Variants in IL6R observed in about 807,000 individuals in gnomAD.
IL6R encodes interleukin-6 receptor subunit alpha.
Under a neutral mutation model 48.3 loss-of-function variants are expected in IL6R, and 38 were observed. The ratio of observed to expected loss-of-function variants is 0.79; its 90% CI spans 0.61 to 1.03. IL6R has a LOEUF of 1.03. Among genes scored for constraint, IL6R ranks in the 50% least tolerant of loss-of-function variants. IL6R has a pLI of 0.00. For synonymous variants in IL6R, 264 were observed against 256.2 expected (o/e 1.03, Z -0.29); for missense variants, 534 against 618.3 (o/e 0.86, Z 1.45).
chr1:154,433,489 C>T (rs775878509), intron 3 of IL6R, among the ~76,000 whole-genome samples: 3 of 152,144 alleles, frequency 2.0e-5, no homozygotes, highest in Non-Finnish European at 4.4e-5. Context: ...GAGGACAGAT[C>T]TTTTTTGTTA....
chr1:154,424,693 A>C (rs1180715467), intron 1 of IL6R, among the ~76,000 whole-genome samples: 1 of 152,222 alleles, frequency 6.6e-6, no homozygotes, highest in Non-Finnish European at 1.5e-5. Context: ...GCATTCAGGC[A>C]CTGATGGACT....
chr1:154,447,476 T>TATATACAC lies in IL6R; in HGVS notation c.950-648_950-647insTATACACA, dbSNP rs1424013885. Among the ~76,000 whole-genome samples, 233 of 68,612 alleles carry TATATACAC rather than the reference T, an allele frequency of 3.4e-3. 2 individuals are homozygous for TATATACAC. Among genetic ancestry groups the TATATACAC allele is most frequent in the Non-Finnish European group, 4.8e-3 (171 of 35,812 alleles). The allele number at this position is 68,612 out of a possible 152,430, so 45.0% of individuals were successfully genotyped here. Reference sequence around the variant, plus strand: ...AAAAATATATATATATATATATATATACACACACACACACACACACACACA... The same window carrying TATATACAC: ...AAAAATATATATATATATATATATATATATACACACACACACACACACACACACACACA... On this transcript the variant is annotated intron_variant, in intron 6 of 9. Transcript: ENST00000368485.
At chr1:154,442,389 G>C (rs1202576439) in intron 6 of IL6R, among the ~76,000 whole-genome samples, 1 of 152,172 alleles carries the variant, frequency 6.6e-6, no homozygotes, top group Non-Finnish European at 1.5e-5. Context: ...ACAAAGGCAC[G>C]GAGCTGTGAG....
chr1:154,434,062 A>G lies in IL6R; in HGVS notation c.459-457A>G, dbSNP rs146244677. Among the ~76,000 whole-genome samples the G allele has an allele frequency of 3.0e-3, 454 of 151,398 alleles. 2 individuals are homozygous for G. Among genetic ancestry groups the G allele is most frequent in the African/African-American group, 0.011 (435 of 41,338 alleles). On this transcript the variant is annotated intron_variant, in intron 3 of 9. Transcript: ENST00000368485. ...GTCTTAACAGAACCAGCCACGTGTG[A>G]TTGTTCATGCCTGTAATCCCAGCAC... is the stretch of plus-strand genomic sequence containing the variant.
intron 9 of IL6R, among the ~76,000 whole-genome samples, chr1:154,462,802 A>G (rs1270342398): frequency 6.6e-6 from 1 of 151,912 alleles, no homozygotes; most frequent in East Asian, 1.9e-4. Flanking sequence ...CTTTTATTTA[A>G]TTAATTAATT....
intron 9 of IL6R, among the ~76,000 whole-genome samples, chr1:154,457,943 T>TTTTTTC (rs1000442014): frequency 7.2e-5 from 10 of 138,262 alleles, no homozygotes; most frequent in East Asian, 2.2e-4. Context: ...TGTTTTCACT[T>TTTTTTC]TTTTTCTTTT....
chr1:154,462,832 A>G (rs553398678), intron 9 of IL6R, among the ~76,000 whole-genome samples: 124 of 152,050 alleles, frequency 8.2e-4, no homozygotes, highest in Non-Finnish European at 1.3e-3. Flanking sequence ...ATTTATTGAG[A>G]CACATCACTC....
chr1:154,413,007 C>A lies in IL6R; in HGVS notation c.85+7293C>A, dbSNP rs1558298003. On this transcript the variant is annotated intron_variant, in intron 1 of 9. Coordinates refer to ENST00000368485, the MANE Select transcript of IL6R (RefSeq NM_000565.4). ...CTGAGTTTATTTATCTGGTTCCCCC[C>A]CTTTTTTTTTTTGAGACAGAGTCTT... 5.3e-5 allele frequency among the ~76,000 whole-genome samples: 8 copies of A among 151,656 alleles called. 1 individual carries two copies. In the South Asian group the frequency reaches 1.5e-3, roughly 28 times the overall value.
chr1:154,436,507 A>G (rs1689638152), intron 6 of IL6R, among the ~76,000 whole-genome samples: 1 of 152,228 alleles, frequency 6.6e-6, no homozygotes, highest in Non-Finnish European at 1.5e-5. Flanking sequence ...CTTAAAAACG[A>G]CCATCATTTA....
At chr1:154,415,781 C>T (rs1253004375) in intron 1 of IL6R, among the ~76,000 whole-genome samples, 1 of 152,050 alleles carries the variant, frequency 6.6e-6, no homozygotes, top group East Asian at 1.9e-4. Context: ...GAGTTTGAAA[C>T]CAGCATGACC....
chr1:154,447,510 TATAC>T (rs1690321004), intron 6 of IL6R, among the ~76,000 whole-genome samples: 2 of 122,750 alleles, frequency 1.6e-5, no homozygotes, highest in African/African-American at 7.4e-5. Flanking sequence ...CACATATATA[TATAC>T]ACACATACAT....
chr1:154,414,346 AC>A, intron 1 of IL6R: 1 of 1,261,612 alleles, frequency 7.9e-7, no homozygotes, highest in Non-Finnish European at 1.1e-6. Context: ...GCCCTGCCCC[AC>A]CCTGTGCCTG....
At chr1:154,407,862 G>A (rs556695973) in intron 1 of IL6R, among the ~76,000 whole-genome samples, 27 of 152,288 alleles carry the variant, frequency 1.8e-4, no homozygotes, top group African/African-American at 6.5e-4. Context: ...CTGGAAGGCT[G>A]GACTTGGGTG....
chr1:154,414,827 G>GGAGATT, intron 1 of IL6R: 1 of 751,894 alleles, frequency 1.3e-6, no homozygotes, highest in Non-Finnish European at 2.4e-6. Context: ...AGCAGGAAGA[G>GGAGATT]GAGATTGAGG....
rs1691653435 is a variant in IL6R at position 154,468,539 on chromosome 1, A to G, written c.*3159A>G. ...ATGTTGACGAGGCCTTTGGTAACTC[A>G]GAGAGCTCTTGGCCCTGATGGGGAC... On this transcript the variant is annotated 3_prime_UTR_variant, in exon 10 of 10. Coordinates refer to ENST00000368485, the MANE Select transcript of IL6R (RefSeq NM_000565.4). The G allele has an allele frequency of 6.6e-6, 1 of 152,256 alleles. No individual in the cohort carries two copies. The highest frequency in any genetic ancestry group is 1.5e-5 in the Non-Finnish European group (1 of 68,050). The allele number at this position is 152,256 out of a possible 1,614,324, so 9.4% of individuals were successfully genotyped here. A position where few individuals can be genotyped will look rare whatever the true frequency, so the allele number is the denominator to read the frequency against.
At chr1:154,458,763 T>C (rs1463805538) in intron 9 of IL6R, among the ~76,000 whole-genome samples, 1 of 152,092 alleles carries the variant, frequency 6.6e-6, no homozygotes, top group East Asian at 1.9e-4. Flanking sequence ...TAGCTGGGCA[T>C]GGTGGTGCAC....
intron 1 of IL6R, among the ~76,000 whole-genome samples, chr1:154,426,973 C>T (rs1689012346): frequency 6.6e-6 from 1 of 150,548 alleles, no homozygotes; most frequent in Admixed American, 6.7e-5. Flanking sequence ...GGCTGGAGTG[C>T]AGTGGCGTGA....
intron 1 of IL6R, among the ~76,000 whole-genome samples, chr1:154,428,154 A>G: frequency 6.6e-6 from 1 of 152,188 alleles, no homozygotes; most frequent in East Asian, 1.9e-4. Flanking sequence ...CTTAGATTCT[A>G]TGACTCTATA....
intron 6 of IL6R, among the ~76,000 whole-genome samples, chr1:154,442,910 G>A (rs1040696542): frequency 6.6e-6 from 1 of 151,846 alleles, no homozygotes; most frequent in Admixed American, 6.6e-5. Flanking sequence ...AGGACTATAG[G>A]CATGCATCAC....
Sources: gnomAD v4.1 joint callset for allele counts (sites outside exome capture counted in the v4.1 genomes callset) on GRCh38, gnomAD v4.1.1 for gene constraint, MANE v1.5 for transcripts, NCBI Gene and HGNC (gene_info 2026-07-23, HGNC 2026-07-21) for gene names.